Variants in LSP1 observed in about 807,000 individuals in gnomAD.
The protein encoded by LSP1 is lymphocyte specific protein 1, also known as lymphocyte-specific protein 1.
LSP1 carries 32 observed loss-of-function variants against 49.3 expected under a neutral mutation model. The observed-to-expected ratio is 0.65, with a 90% confidence interval of 0.49 to 0.87. The LOEUF (loss-of-function observed/expected upper bound fraction) is 0.87. Among genes scored for constraint, LSP1 ranks in the 40% least tolerant of loss-of-function variants. The probability of loss-of-function intolerance (pLI) is 0.00; values close to 1 mark genes in which losing one functional copy is unlikely to be tolerated. For synonymous variants in LSP1, 179 were observed against 178.8 expected, an observed-to-expected ratio of 1.00 and a Z score of -0.01; for missense variants, 428 against 442.6, an observed-to-expected ratio of 0.97 and a Z score of 0.30.
chr11:1,860,194 G>A (rs1416020314), intron 1 of LSP1, among the ~76,000 whole-genome samples: 1 of 152,154 alleles, frequency 6.6e-6, no homozygotes, highest in Non-Finnish European at 1.5e-5. Context: ...ATGGAGAACA[G>A]TATGAATGAA....
intron 1 of LSP1, among the ~76,000 whole-genome samples, chr11:1,879,480 C>A (rs1285333083): frequency 7.2e-5 from 11 of 152,226 alleles, no homozygotes; most frequent in Admixed American, 6.5e-5. Flanking sequence ...ACCCATGAGT[C>A]TGCGGAGCTT....
At chr11:1,865,787 C>T (rs1468775192) in intron 1 of LSP1, among the ~76,000 whole-genome samples, 1 of 151,842 alleles carries the variant, frequency 6.6e-6, no homozygotes, top group Non-Finnish European at 1.5e-5. Context: ...TGGGGCCTCC[C>T]GTGGGGTCCT....
At chr11:1,885,847 G>A (rs775353924) in intron 7 of LSP1, among the ~76,000 whole-genome samples, 50 of 151,230 alleles carry the variant, frequency 3.3e-4, no homozygotes, top group Non-Finnish European at 4.3e-4. Context: ...CCCAATCAGC[G>A]CCCTTCTAGT....
At chr11:1,877,291 G>A (rs1479325313) in intron 1 of LSP1, among the ~76,000 whole-genome samples, 1 of 152,188 alleles carries the variant, frequency 6.6e-6, no homozygotes, top group African/African-American at 2.4e-5. Context: ...ATATCCTGGG[G>A]TAGGGGAAAG....
chr11:1,868,797 ACG>A (rs2133074641), intron 1 of LSP1: 1 of 985,714 alleles, frequency 1.0e-6, no homozygotes, highest in Admixed American at 6.1e-5. Flanking sequence ...AGCCCAGAGG[ACG>A]GCGGTTCAGG....
intron 10 of LSP1, chr11:1,889,341 C>T: frequency 1.4e-6 from 1 of 711,764 alleles, no homozygotes; most frequent in Non-Finnish European, 2.6e-6. Context: ...TGCCAGGCGC[C>T]CTTGGGCCTC....
chr11:1,881,329 C>A (rs1199608860), intron 2 of LSP1, 103 bp from the exon 3 acceptor site: 2 of 1,175,328 alleles, frequency 1.7e-6, no homozygotes, highest in Non-Finnish European at 2.3e-6. Flanking sequence ...GGGTCTCCCA[C>A]ACTTGGAGTC....
At chr11:1,860,696 T>C (rs1262767211) in intron 1 of LSP1, among the ~76,000 whole-genome samples, 1 of 152,244 alleles carries the variant, frequency 6.6e-6, no homozygotes, top group Admixed American at 6.5e-5. Context: ...GTTGTACCTG[T>C]GCATATTGGC....
chr11:1,880,077 C>T lies in LSP1; in HGVS notation c.54-10C>T, dbSNP rs1848473398. 6.2e-7 allele frequency: 1 copy of T among 1,607,106 alleles called. No individual in the cohort carries two copies. The highest frequency in any genetic ancestry group is 8.5e-7 in the Non-Finnish European group (1 of 1,176,814). Reference sequence around the variant, plus strand: ...CTGTGGCGTGACTGTCCCTCTGTGTCCCCCACTAGGCCCACTGCTCAGTGG... The same window carrying T: ...CTGTGGCGTGACTGTCCCTCTGTGTTCCCCACTAGGCCCACTGCTCAGTGG... On this transcript the variant is annotated splice_polypyrimidine_tract_variant and intron_variant, in intron 1 of 10. Transcript: ENST00000311604.
intron 1 of LSP1, among the ~76,000 whole-genome samples, chr11:1,875,844 C>T (rs537031269): frequency 9.8e-5 from 15 of 152,314 alleles, no homozygotes; most frequent in East Asian, 1.9e-4. Context: ...CTGCTGGCCC[C>T]GGGCTGTCTC....
chr11:1,866,912 G>A, intron 1 of LSP1: 2 of 1,508,666 alleles, frequency 1.3e-6, no homozygotes, highest in Non-Finnish European at 1.8e-6. Context: ...GCAGCCCCAG[G>A]TGAGCAAGCC....
chr11:1,889,172 G>T, intron 10 of LSP1: 1 of 674,456 alleles, frequency 1.5e-6, no homozygotes. Flanking sequence ...CAGTCGCTGT[G>T]CGGTTGAAGT....
intron 10 of LSP1, among the ~76,000 whole-genome samples, chr11:1,887,976 G>A (rs1340610447): frequency 6.6e-6 from 1 of 152,174 alleles, no homozygotes; most frequent in Non-Finnish European, 1.5e-5. Flanking sequence ...AGGGTCCATA[G>A]AGGGGCAGGA....
chr11:1,855,592 C>G (rs1335757626), intron 1 of LSP1, among the ~76,000 whole-genome samples: 1 of 152,180 alleles, frequency 6.6e-6, no homozygotes, highest in Non-Finnish European at 1.5e-5. Context: ...CAGGACTGTC[C>G]TCTCCCACGA....
At chr11:1,877,443 C>G (rs1026603370) in intron 1 of LSP1, among the ~76,000 whole-genome samples, 6 of 152,172 alleles carry the variant, frequency 3.9e-5, no homozygotes, top group African/African-American at 1.2e-4. Context: ...CTACTCTGTC[C>G]CCCAGGCCCC....
At position 1,874,657 on chromosome 11, in the gene LSP1, C is replaced by G. The variant is rs376972742; in HGVS notation, c.54-5430C>G. 4.6e-5 allele frequency among the ~76,000 whole-genome samples: 7 copies of G among 152,196 alleles called. No homozygotes were observed. The East Asian group carries it at 1.4e-3, about 30-fold the overall frequency. ...TGGGCTGGATGAGCCAGGGAGGCGC[C>G]GGGAGGGGCCTTGGCAGAGGCGACT... is the stretch of plus-strand genomic sequence containing the variant. On this transcript the variant is annotated intron_variant, in intron 1 of 10. Transcript: ENST00000311604.
chr11:1,863,359 T>G (rs1830646065), intron 1 of LSP1: 1 of 152,296 alleles, frequency 6.6e-6, no homozygotes, highest in Admixed American at 6.5e-5. Context: ...TCTCCTTGAA[T>G]GTAGGGACAG....
intron 1 of LSP1, among the ~76,000 whole-genome samples, chr11:1,858,304 C>T (rs1009143155): frequency 1.3e-5 from 2 of 152,164 alleles, no homozygotes; most frequent in Non-Finnish European, 2.9e-5. Context: ...GTCTCTCTGA[C>T]CCCACACCAC....
chr11:1,870,116 C>T (rs147859982), intron 1 of LSP1: 87 of 502,240 alleles, frequency 1.7e-4, no homozygotes, highest in South Asian at 1.2e-3. Context: ...CTGGTGCTCA[C>T]TGTGCCTCTT....
Sources: gnomAD v4.1 joint callset for allele counts (sites outside exome capture counted in the v4.1 genomes callset) on GRCh38, gnomAD v4.1.1 for gene constraint, MANE v1.5 for transcripts, NCBI Gene and HGNC (gene_info 2026-07-23, HGNC 2026-07-21) for gene names.